The following ASIC2 variants were observed in gnomAD, a reference collection of about 807,000 sequenced individuals.
ASIC2 encodes acid sensing ion channel subunit 2.
In ASIC2, 25 loss-of-function variants were observed where a neutral mutation model predicts 57.3. That is an observed-to-expected ratio of 0.44 (90% CI 0.32 to 0.61). The LOEUF (loss-of-function observed/expected upper bound fraction) is 0.61. ASIC2 is among the 20% of genes least tolerant of loss of function. ASIC2 has a pLI of 0.06. For missense variants in ASIC2, 641 were observed against 738.1 expected (o/e 0.87, Z 1.52); for synonymous variants, 319 against 307.5 (o/e 1.04, Z -0.39).
chr17:33,703,545 GT>G (rs762013788), intron 1 of ASIC2, among the ~76,000 whole-genome samples: 3 of 152,148 alleles, frequency 2.0e-5, no homozygotes, highest in South Asian at 4.2e-4. Flanking sequence ...TAGAGATGGG[GT>G]TTTACCATGT....
chr17:33,673,918 G>A (rs527557634), intron 1 of ASIC2, among the ~76,000 whole-genome samples: 26 of 137,438 alleles, frequency 1.9e-4, no homozygotes, highest in African/African-American at 6.5e-4. Flanking sequence ...TTTTGGAGAC[G>A]GAGTCTCACT....
chr17:33,787,266 C>A (rs141099193), intron 1 of ASIC2, among the ~76,000 whole-genome samples: 1 of 152,302 alleles, frequency 6.6e-6, no homozygotes, highest in African/African-American at 2.4e-5. Flanking sequence ...CTATTACTAC[C>A]TTTTTGGAGG....
intron 1 of ASIC2, chr17:34,037,698 A>G: frequency 6.2e-7 from 1 of 1,614,030 alleles, no homozygotes; most frequent in Non-Finnish European, 8.5e-7. Context: ...GTAGAGACTG[A>G]CTTTTGGATG....
intron 1 of ASIC2, among the ~76,000 whole-genome samples, chr17:33,843,988 C>T (rs562257041): frequency 6.6e-6 from 1 of 152,280 alleles, no homozygotes; most frequent in Admixed American, 6.5e-5. Context: ...TGCTGTGGAA[C>T]TGTCTAATTC....
chr17:33,459,184 C>A (rs901113896), intron 1 of ASIC2, among the ~76,000 whole-genome samples: 10 of 151,890 alleles, frequency 6.6e-5, no homozygotes, highest in Non-Finnish European at 5.9e-5. Flanking sequence ...AAGTCTGTTG[C>A]CTGCTTGGCT....
intron 1 of ASIC2, among the ~76,000 whole-genome samples, chr17:33,558,449 G>A (rs1342443035): frequency 1.3e-5 from 2 of 152,162 alleles, no homozygotes; most frequent in Admixed American, 6.5e-5. Flanking sequence ...TTTGTTGGTG[G>A]AGGAGGAATT....
At chr17:33,631,568 G>T (rs144370105) in intron 1 of ASIC2, among the ~76,000 whole-genome samples, 121 of 152,248 alleles carry the variant, frequency 7.9e-4, no homozygotes, top group African/African-American at 2.9e-3. Context: ...GCAAAATGTT[G>T]CCGGGAAGAT....
chr17:34,112,851 G>A (rs1911317031), intron 1 of ASIC2, among the ~76,000 whole-genome samples: 1 of 152,138 alleles, frequency 6.6e-6, no homozygotes, highest in Non-Finnish European at 1.5e-5. Flanking sequence ...ACACTCAATA[G>A]GATGAGACCT....
intron 3 of ASIC2, among the ~76,000 whole-genome samples, chr17:33,088,448 T>C (rs1401975230): frequency 2.0e-5 from 3 of 152,148 alleles, no homozygotes; most frequent in Non-Finnish European, 4.4e-5. Flanking sequence ...AACTCTGTGA[T>C]GGGAGAGGGA....
In ASIC2 at chr17:33,432,736, G is replaced by T. The variant is rs535694744; in HGVS notation, c.556-320669C>A. On this transcript the variant is annotated intron_variant, in intron 1 of 9. Transcript: ENST00000359872. ...GTTTTGGGGAGTCCATTAAAAAGTG[G>T]GCAAAGGACATGAACAGACACTTTT... Among the ~76,000 whole-genome samples, 4 of 152,146 alleles carry T rather than the reference G, an allele frequency of 2.6e-5. No individual in the cohort carries two copies. In the South Asian group the frequency reaches 6.2e-4, roughly 24 times the overall value.
chr17:33,194,957 G>A (rs933132126), intron 1 of ASIC2, among the ~76,000 whole-genome samples: 1 of 152,156 alleles, frequency 6.6e-6, no homozygotes, highest in Non-Finnish European at 1.5e-5. Context: ...CACTTCTTAG[G>A]GAATGGTGAC....
intron 1 of ASIC2, among the ~76,000 whole-genome samples, chr17:33,446,478 A>G (rs1912022045): frequency 6.6e-6 from 1 of 152,148 alleles, no homozygotes; most frequent in African/African-American, 2.4e-5. Flanking sequence ...CTGAAATCAG[A>G]ATGTTCAACG....
Position 33,111,918 on chromosome 17 carries a change from T to A in ASIC2, c.858A>T (p.Thr286=). The part of the protein sequence containing the change: ...QDEYLPIWGE[T]EETTFEAGVK... ...GCCCGGTCCCTGTGCCCAGCTCACC[T>A]GTCTCTCCCCAGATGGGCAGGTACT... The change falls in exon 2 of 10, where the codon ACA becomes ACT. Residue 286 remains threonine (T), a splice_region_variant and synonymous_variant. Transcript: ENST00000225823. The A allele has an allele frequency of 1.2e-6, 2 of 1,610,866 alleles. No individual in the cohort carries two copies. The highest frequency in any genetic ancestry group is 1.7e-6 in the Non-Finnish European group (2 of 1,178,530).
intron 1 of ASIC2, among the ~76,000 whole-genome samples, chr17:33,987,977 G>A (rs1199381247): frequency 6.6e-6 from 1 of 152,120 alleles, no homozygotes; most frequent in Non-Finnish European, 1.5e-5. Context: ...AATTTGTGAG[G>A]GAGACAGGAA....
chr17:33,709,987 T>C (rs927802708), intron 1 of ASIC2, among the ~76,000 whole-genome samples: 12 of 152,220 alleles, frequency 7.9e-5, no homozygotes, highest in Non-Finnish European at 1.3e-4. Context: ...GACCTTGTTA[T>C]CTTTGTTCCA....
In ASIC2 at chr17:33,292,292, C is replaced by G; in HGVS notation, c.-177G>C. On this transcript the variant is annotated 5_prime_UTR_variant, in exon 1 of 10. Transcript: ENST00000225823. ...GCATGCCCGCCCGGCGCCGCCGCTG[C>G]CGCCTCCGCGGGCGCCCGCCCGGGG... The G allele has an allele frequency of 1.0e-6, 1 of 987,974 alleles. No individual in the cohort carries two copies. The highest frequency in any genetic ancestry group is 1.2e-6 in the Non-Finnish European group (1 of 832,634). The allele number at this position is 987,974 out of a possible 1,614,324, so 61.2% of individuals were successfully genotyped here. A position where few individuals can be genotyped will look rare whatever the true frequency, so the allele number is the denominator to read the frequency against.
chr17:33,102,921 C>T (rs1203288053), intron 2 of ASIC2, among the ~76,000 whole-genome samples: 1 of 152,022 alleles, frequency 6.6e-6, no homozygotes, highest in Admixed American at 6.6e-5. Context: ...GTAGCTGGGG[C>T]TACAGGCGCC....
At chr17:33,747,017 C>T (rs1256526588) in intron 1 of ASIC2, among the ~76,000 whole-genome samples, 3 of 152,152 alleles carry the variant, frequency 2.0e-5, no homozygotes, top group Admixed American at 6.5e-5. Flanking sequence ...ACACAAGATA[C>T]AGACTTGACA....
At chr17:33,697,743 A>G (rs556599853) in intron 1 of ASIC2, among the ~76,000 whole-genome samples, 2 of 152,340 alleles carry the variant, frequency 1.3e-5, no homozygotes, top group South Asian at 2.1e-4. Flanking sequence ...CCAATGACCT[A>G]TGATTCACAC....
Sources: allele counts gnomAD v4.1 joint callset (sites outside exome capture counted in the v4.1 genomes callset), GRCh38; gene constraint gnomAD v4.1.1; transcripts MANE v1.5; gene names NCBI Gene and HGNC (gene_info 2026-07-23, HGNC 2026-07-21).